Variants in LRP6 observed in about 807,000 individuals in gnomAD.
LRP6 encodes the protein LDL receptor related protein 6.
In LRP6, 43 loss-of-function variants were observed where a neutral mutation model predicts 184.1. The observed-to-expected ratio is 0.23, with a 90% CI of 0.18 to 0.30. The LOEUF (loss-of-function observed/expected upper bound fraction) is 0.30. Among genes scored for constraint, LRP6 ranks in the 10% least tolerant of loss-of-function variants. The pLI, the probability that LRP6 is intolerant of heterozygous loss-of-function variation, is 1.00. For missense variants in LRP6, 1,571 were observed against 2,005.3 expected, an observed-to-expected ratio of 0.78 and a Z score of 4.14; for synonymous variants, 719 against 684.9, an observed-to-expected ratio of 1.05 and a Z score of -0.78.
At chr12:12,226,764 C>T (rs1338607071) in intron 2 of LRP6, 1 of 152,228 alleles carries the variant, frequency 6.6e-6, no homozygotes. Flanking sequence ...ATTCGTGAAG[C>T]GTTAGTATTT....
intron 7 of LRP6, among the ~76,000 whole-genome samples, chr12:12,175,004 CTCTTTT>C (rs1170083234): frequency 6.6e-6 from 1 of 152,198 alleles, no homozygotes; most frequent in East Asian, 1.9e-4. Flanking sequence ...ATGAAAATCT[CTCTTTT>C]TATCTATACT....
At chr12:12,243,813 C>T (rs1032150160) in intron 2 of LRP6, among the ~76,000 whole-genome samples, 1 of 152,138 alleles carries the variant, frequency 6.6e-6, no homozygotes, top group African/African-American at 2.4e-5. Context: ...TGCAGTGGTG[C>T]GATCTCAGCT....
intron 22 of LRP6, among the ~76,000 whole-genome samples, chr12:12,121,856 T>C (rs2136830440): frequency 6.6e-6 from 1 of 152,300 alleles, no homozygotes; most frequent in Middle Eastern, 3.4e-3. Context: ...GATGAATAAT[T>C]AATTTAATGA....
chr12:12,183,555 T>A (rs944884117), intron 5 of LRP6, among the ~76,000 whole-genome samples: 2 of 148,990 alleles, frequency 1.3e-5, no homozygotes, highest in Non-Finnish European at 2.9e-5. Flanking sequence ...AAAACATCCT[T>A]AAATAATTTG....
At chr12:12,199,865 G>T (rs1863866223) in intron 3 of LRP6, among the ~76,000 whole-genome samples, 1 of 149,612 alleles carries the variant, frequency 6.7e-6, no homozygotes, top group Admixed American at 6.7e-5. Context: ...TCAGAAGGCT[G>T]AGTCAGGAGA....
In LRP6 at chr12:12,209,894, G is replaced by A. The variant is rs144335456; in HGVS notation, c.450-6494C>T. ...ATAAACAGGAGGCTCTGAGAGTATA[G>A]AGAAGTGACACCCAATCAAGTCAAT... On this transcript the variant is annotated intron_variant, in intron 2 of 22. Coordinates refer to ENST00000261349, the MANE Select transcript of LRP6 (RefSeq NM_002336.3). Among the ~76,000 whole-genome samples, 13 of 152,238 alleles carry A rather than the reference G, an allele frequency of 8.5e-5. No homozygotes were observed. In the East Asian group the frequency reaches 2.5e-3, roughly 29 times the overall value.
chr12:12,249,505 C>T lies in LRP6; in HGVS notation c.56-4850G>A, dbSNP rs1865269506. On this transcript the variant is annotated intron_variant, in intron 1 of 22. Transcript: ENST00000261349. ...AAACCACAGGCCCTTCCTCTTCCCC[C>T]TCATTCAATTTAAGCAGTCTTCATT... 8.1e-6 allele frequency: 5 copies of T among 614,660 alleles called. No individual in the cohort carries two copies. In the South Asian group the frequency reaches 8.5e-5, roughly 11 times the overall value. 38.1% of individuals were successfully genotyped at this position (614,660 alleles called of 1,614,324 possible). A position where few individuals can be genotyped will look rare whatever the true frequency, so the allele number is the denominator to read the frequency against.
At chr12:12,231,478 T>A (rs1864786702) in intron 2 of LRP6, among the ~76,000 whole-genome samples, 1 of 152,104 alleles carries the variant, frequency 6.6e-6, no homozygotes, top group African/African-American at 2.4e-5. Context: ...ATCATAAGAC[T>A]GCCCCTACAT....
chr12:12,222,075 T>G (rs1864503560), intron 2 of LRP6, among the ~76,000 whole-genome samples: 1 of 152,194 alleles, frequency 6.6e-6, no homozygotes, highest in East Asian at 1.9e-4. Flanking sequence ...CCACATTTCC[T>G]TCAAAAGCTC....
At chr12:12,134,014 T>C (rs1478644916) in intron 17 of LRP6, among the ~76,000 whole-genome samples, 1 of 152,196 alleles carries the variant, frequency 6.6e-6, no homozygotes, top group Non-Finnish European at 1.5e-5. Context: ...TTTCCCTGAC[T>C]ACGCTGTATG....
chr12:12,258,549 A>G (rs964557987), intron 1 of LRP6, among the ~76,000 whole-genome samples: 2 of 152,264 alleles, frequency 1.3e-5, no homozygotes, highest in Non-Finnish European at 2.9e-5. Context: ...ACAGTGCTCA[A>G]TATGTGCAAA....
intron 16 of LRP6, among the ~76,000 whole-genome samples, chr12:12,136,171 A>G (rs1949836463): frequency 6.6e-6 from 1 of 152,132 alleles, no homozygotes; most frequent in Non-Finnish European, 1.5e-5. Flanking sequence ...TGGGCGGCAG[A>G]GCAAGACTCC....
intron 2 of LRP6, among the ~76,000 whole-genome samples, chr12:12,204,688 C>T (rs747198002): frequency 1.3e-5 from 2 of 151,624 alleles, no homozygotes; most frequent in South Asian, 2.1e-4. Flanking sequence ...TTTGGGAGGT[C>T]GAGGCACCTG....
rs991677524 is a variant in LRP6, at chr12:12,119,838, AT to A, written c.*1287del. Reference sequence around the variant, plus strand: ...CATTAGAAGAGGTATGTATGTAGACATTATTCTGAGAAAAACCGGTCTAAAG... The same window carrying A: ...CATTAGAAGAGGTATGTATGTAGACATATTCTGAGAAAAACCGGTCTAAAG... On this transcript the variant is annotated 3_prime_UTR_variant, in exon 23 of 23. Transcript: ENST00000261349. The A allele has an allele frequency of 6.6e-6, 1 of 151,706 alleles. No individual in the cohort carries two copies. The highest frequency in any genetic ancestry group is 2.4e-5 in the African/African-American group (1 of 41,292). The allele number at this position is 151,706 out of a possible 1,614,324, so 9.4% of individuals were successfully genotyped here. A position where few individuals can be genotyped will look rare whatever the true frequency, so the allele number is the denominator to read the frequency against.
rs1949765123 is a variant in LRP6 at position 12,131,939 on chromosome 12, A to G, written c.3852T>C (p.Asn1284=). 1 of 1,614,214 alleles carries G rather than the reference A, an allele frequency of 6.2e-7. No homozygotes were observed. Among genetic ancestry groups the G allele is most frequent in the African/African-American group, 1.3e-5 (1 of 75,064 alleles). Residue 1284 remains asparagine (N), a synonymous_variant, in exon 18 of 23, where the codon AAT becomes AAC. Coordinates refer to ENST00000261349, the MANE Select transcript of LRP6 (RefSeq NM_002336.3). ...TECEDHSDEL[N]CPVCSESQFQ... ...ACTGGGACTCTGAGCATACAGGACA[A>G]TTGAGTTCATCACTGTGGTCTTCAC...
At chr12:12,130,155 T>G (rs575363485) in intron 19 of LRP6, among the ~76,000 whole-genome samples, 1 of 152,244 alleles carries the variant, frequency 6.6e-6, no homozygotes, top group Non-Finnish European at 1.5e-5. Flanking sequence ...ATTGCTTAAG[T>G]TCTGAATTGA....
intron 2 of LRP6, among the ~76,000 whole-genome samples, chr12:12,243,118 G>T (rs1591980673): frequency 6.6e-6 from 1 of 152,150 alleles, no homozygotes; most frequent in Non-Finnish European, 1.5e-5. Flanking sequence ...TGTTCAGATA[G>T]TTATCTATAC....
rs1025948472 is a variant in LRP6, at chr12:12,150,438, G to A, written c.2994+398C>T. On this transcript the variant is annotated intron_variant, in intron 13 of 22. Transcript: ENST00000261349. The stretch of plus-strand genomic sequence containing the variant: ...CTGTTACATAACACATAAGAGCTAT[G>A]TGCTTTGCATTCTTTTCAGCTAAAA... Among the ~76,000 whole-genome samples, 4 of 152,146 alleles carry A rather than the reference G, an allele frequency of 2.6e-5. No homozygotes were observed. In the South Asian group the frequency reaches 6.2e-4, roughly 24 times the overall value.
intron 2 of LRP6, among the ~76,000 whole-genome samples, chr12:12,205,849 T>C (rs1162997618): frequency 6.6e-6 from 1 of 152,214 alleles, no homozygotes; most frequent in African/African-American, 2.4e-5. Context: ...AGTCAAACAC[T>C]ACCCAGAATG....
Sources: gnomAD v4.1 joint callset for allele counts (sites outside exome capture counted in the v4.1 genomes callset) on GRCh38, gnomAD v4.1.1 for gene constraint, MANE v1.5 for transcripts, NCBI Gene and HGNC (gene_info 2026-07-23, HGNC 2026-07-21) for gene names.